The following PANK4 variants were observed in gnomAD, a reference collection of about 807,000 sequenced individuals.
The protein encoded by PANK4 is pantothenate kinase 4 (inactive).
Under a neutral mutation model 87.9 loss-of-function variants are expected in PANK4, and 40 were observed. The ratio of observed to expected loss-of-function variants is 0.46; its 90% confidence interval spans 0.35 to 0.59. The LOEUF (loss-of-function observed/expected upper bound fraction) is 0.59, where lower values mean the gene tolerates loss of function less well. Among genes scored for constraint, PANK4 ranks in the 20% least tolerant of loss-of-function variants. The pLI, the probability that PANK4 is intolerant of heterozygous loss-of-function variation, is 0.00. For synonymous variants in PANK4, 524 were observed against 467.4 expected (o/e 1.12, Z -1.56); for missense variants, 926 against 1,072.3 (o/e 0.86, Z 1.90).
Position 2,508,566 on chromosome 1 carries a change from C to A in PANK4, c.*281G>T, listed in dbSNP as rs1643604314. ...TTTAAAAACTCTATTTGGTGCGTGC[C>A]CACGGTGCTGCGTCCCGTCAGACAT... On this transcript the variant is annotated 3_prime_UTR_variant, in exon 19 of 19. Transcript: ENST00000378466. The surrounding 1 kb of genome is among the most constrained non-coding windows in gnomAD (Gnocchi z 5.1). 2 of 181,270 alleles carry A rather than the reference C, an allele frequency of 1.1e-5. No homozygotes were observed. The highest frequency in any genetic ancestry group is 4.0e-4 in the South Asian group (2 of 5,048). 11.2% of individuals were successfully genotyped at this position (181,270 alleles called of 1,614,324 possible).
At chr1:2,523,735 A>T (rs1377155688) in intron 1 of PANK4, among the ~76,000 whole-genome samples, 1 of 152,354 alleles carries the variant, frequency 6.6e-6, no homozygotes, top group African/African-American at 2.4e-5. Flanking sequence ...GGGCACGCAC[A>T]GCAGGGAGAT....
chr1:2,514,127 G>A (rs1296826207), intron 11 of PANK4, 38 bp from the exon 12 acceptor site: 1 of 1,525,758 alleles, frequency 6.6e-7, no homozygotes, highest in Non-Finnish European at 9.1e-7. Flanking sequence ...GAGCAGGGCA[G>A]GCCGAACACC....
chr1:2,521,197 T>C lies in PANK4; in HGVS notation c.326A>G (p.Lys109Arg). The stretch of plus-strand genomic sequence containing the variant: ...GGTCTCTGTGTTGACGAGATGGTCT[T>C]TGATGAAGTCCAGGCAGGCTTCGAT... ...TYIEACLDFI[K>R]DHLVNTETKV... Residue 109 changes from lysine to arginine, a missense_variant, in exon 3 of 19, where the codon AAA becomes AGA. Physicochemically the swap from Lys to Arg is conservative, Grantham distance 26. Transcript: ENST00000378466. 6.2e-7 allele frequency: 1 copy of C among 1,613,962 alleles called. No individual in the cohort carries two copies. Among genetic ancestry groups the C allele is most frequent in the Non-Finnish European group, 8.5e-7 (1 of 1,179,982 alleles).
Position 2,510,035 on chromosome 1 carries a change from A to C in PANK4, c.2039+22T>G. ...TGCCCCTCCCCATCAAGGCCCCCCC[A>C]GCACTGCCCGCCAACACTCACTGCA... On this transcript the variant is annotated intron_variant, in intron 17 of 18. Transcript: ENST00000378466. This position sits in a 1 kb window ranked among gnomAD's most constrained non-coding sequence, Gnocchi z 4.9. The C allele has an allele frequency of 1.9e-6, 3 of 1,589,616 alleles. No homozygotes were observed. The highest frequency in any genetic ancestry group is 2.6e-6 in the Non-Finnish European group (3 of 1,163,348).
Position 2,508,749 on chromosome 1 carries a change from T to C in PANK4, c.*98A>G. ...GGGTGTATGTGCCGCGTCACAGCAG[T>C]ACCATATAAATACGTTGATTTGAAC... On this transcript the variant is annotated 3_prime_UTR_variant, in exon 19 of 19. Transcript: ENST00000378466. The surrounding 1 kb of genome is among the most constrained non-coding windows in gnomAD (Gnocchi z 5.1). The C allele has an allele frequency of 1.3e-6, 1 of 751,808 alleles. No individual in the cohort carries two copies. Among genetic ancestry groups the C allele is most frequent in the South Asian group, 1.7e-5 (1 of 59,832 alleles). 46.6% of individuals were successfully genotyped at this position (751,808 alleles called of 1,614,324 possible).
intron 1 of PANK4, among the ~76,000 whole-genome samples, chr1:2,525,207 G>A (rs1643909979): frequency 6.6e-6 from 1 of 152,142 alleles, no homozygotes; most frequent in Non-Finnish European, 1.5e-5. Context: ...AGATGCACCA[G>A]GAGCACACAG....
At chr1:2,522,685 T>C (rs1570550718) in intron 1 of PANK4, among the ~76,000 whole-genome samples, 1 of 53,168 alleles carries the variant, frequency 1.9e-5, no homozygotes, top group Admixed American at 2.5e-4. Context: ...TTGAGTGCAT[T>C]GCGCGGTGCT....
At position 2,519,394 on chromosome 1, in the gene PANK4, G is replaced by C. The variant is rs373098316; in HGVS notation, c.854-70C>G. ...TGCACGACATGAGAGCGAGCAGGAG[G>C]GGAGGGGGAGAGAGAGCTGAGTGGG... On this transcript the variant is annotated intron_variant, in intron 6 of 18. Coordinates refer to ENST00000378466, the MANE Select transcript of PANK4 (RefSeq NM_018216.4). The surrounding 1 kb of genome is among the most constrained non-coding windows in gnomAD (Gnocchi z 8.3). 2.4e-6 allele frequency: 2 copies of C among 836,198 alleles called. No homozygotes were observed. Among genetic ancestry groups the C allele is most frequent in the African/African-American group, 3.7e-5 (2 of 53,570 alleles). 51.8% of individuals were successfully genotyped at this position (836,198 alleles called of 1,614,324 possible).
At chr1:2,524,756 A>T (rs973457702) in intron 1 of PANK4, among the ~76,000 whole-genome samples, 5 of 152,212 alleles carry the variant, frequency 3.3e-5, no homozygotes, top group Non-Finnish European at 5.9e-5. Context: ...GCATTTCAGA[A>T]ACATTTAATC....
rs1643710179 is a variant in PANK4 at position 2,513,899 on chromosome 1, A to G, written c.1575+103T>C. On this transcript the variant is annotated intron_variant, in intron 12 of 18. Transcript: ENST00000378466. Reference sequence around the variant, plus strand: ...GCCGCTACCAAACCTGCATGGCCTCAGACAGGACAGGATGCCCCGAGCCAG... The same window carrying G: ...GCCGCTACCAAACCTGCATGGCCTCGGACAGGACAGGATGCCCCGAGCCAG... 3 of 864,656 alleles carry G rather than the reference A, an allele frequency of 3.5e-6. No homozygotes were observed. The South Asian group carries it at 4.0e-5, about 11-fold the overall frequency. The allele number at this position is 864,656 out of a possible 1,614,324, so 53.6% of individuals were successfully genotyped here. A position where few individuals can be genotyped will look rare whatever the true frequency, so the allele number is the denominator to read the frequency against.
rs535092413 is a variant in PANK4, at chr1:2,509,869, C to T, written c.2101G>A (p.Asp701Asn). 7.0e-5 allele frequency: 113 copies of T among 1,611,644 alleles called. No individual in the cohort carries two copies. The highest frequency in any genetic ancestry group is 1.2e-4 in the Admixed American group (7 of 59,976). The change falls in exon 18 of 19, where the codon GAC becomes AAC. Residue 701 changes from aspartate (D) to asparagine (N), a missense_variant. Transcript: ENST00000378466. This position sits in a 1 kb window ranked among gnomAD's most constrained non-coding sequence, Gnocchi z 4.9. ...TGCAGGGTGCGGGGTTACCTGAGGTCGAGGCACGGGGAGCTGGAGCCCGTC... is the reference window on the plus strand; with the variant it reads ...TGCAGGGTGCGGGGTTACCTGAGGTTGAGGCACGGGGAGCTGGAGCCCGTC... ...VQTGSSSPCL[D>N]LSRLDKGLAA... is the part of the protein sequence containing the mutation.
Position 2,510,432 on chromosome 1 carries a change from C to A in PANK4, c.1938+246G>T. 1 of 596,672 alleles carries A rather than the reference C, an allele frequency of 1.7e-6. No individual in the cohort carries two copies. Among genetic ancestry groups the A allele is most frequent in the South Asian group, 2.0e-5 (1 of 49,612 alleles). 37.0% of individuals were successfully genotyped at this position (596,672 alleles called of 1,614,324 possible). ...AGCCCCAAAGCCTCCTTGCTGTGAG[C>A]ACCCTTCCAGGAGCCTGGCGTCAAC... On this transcript the variant is annotated intron_variant, in intron 16 of 18. Transcript: ENST00000378466. The surrounding 1 kb of genome is among the most constrained non-coding windows in gnomAD (Gnocchi z 4.9).
chr1:2,518,405 G>A, intron 8 of PANK4, 111 bp downstream of exon 8: 2 of 1,024,262 alleles, frequency 2.0e-6, no homozygotes, highest in Non-Finnish European at 2.9e-6. Flanking sequence ...CACTTTCTGA[G>A]GACTCACGCT....
At position 2,510,578 on chromosome 1, in the gene PANK4, G is replaced by C; in HGVS notation, c.1938+100C>G. Reference sequence around the variant, plus strand: ...CTGCCTGCACCTACCTGCTGCGTCCGGAGGAGCCCCGACCACCGCCAGAGG... The same window carrying C: ...CTGCCTGCACCTACCTGCTGCGTCCCGAGGAGCCCCGACCACCGCCAGAGG... On this transcript the variant is annotated intron_variant, in intron 16 of 18. Coordinates refer to ENST00000378466, the MANE Select transcript of PANK4 (RefSeq NM_018216.4). This position sits in a 1 kb window ranked among gnomAD's most constrained non-coding sequence, Gnocchi z 4.9. The C allele has an allele frequency of 2.7e-6, 2 of 742,284 alleles. No homozygotes were observed. Among genetic ancestry groups the C allele is most frequent in the Admixed American group, 2.1e-5 (1 of 46,924 alleles). 46.0% of individuals were successfully genotyped at this position (742,284 alleles called of 1,614,324 possible).
intron 1 of PANK4, among the ~76,000 whole-genome samples, chr1:2,524,345 G>A (rs996505553): frequency 2.6e-5 from 4 of 152,152 alleles, no homozygotes; most frequent in African/African-American, 9.7e-5. Flanking sequence ...CTGTTGACAA[G>A]CACTTTGGCT....
chr1:2,508,906 C>T lies in PANK4; in HGVS notation c.2263G>A (p.Glu755Lys), dbSNP rs1368201084. 7.5e-6 allele frequency: 12 copies of T among 1,609,764 alleles called. No individual in the cohort carries two copies. Among genetic ancestry groups the T allele is most frequent in the East Asian group, 4.5e-5 (2 of 44,722 alleles). ...LAVIKNAWLA[E>K]RLGGRLFSVI... ...CTGAAGAGCCGGCCGCCCAGCCGCT[C>T]GGCCAGCCACGCGTTCTTGATGACG... Residue 755 changes from glutamate to lysine, a missense_variant, in exon 19 of 19, where the codon GAG becomes AAG. By Grantham distance (56) the Glu-to-Lys change is moderately conservative. Transcript: ENST00000378466. The surrounding 1 kb of genome is among the most constrained non-coding windows in gnomAD (Gnocchi z 5.1).
intron 1 of PANK4, among the ~76,000 whole-genome samples, chr1:2,525,044 C>A (rs1260467019): frequency 1.3e-5 from 2 of 152,192 alleles, no homozygotes; most frequent in Non-Finnish European, 2.9e-5. Flanking sequence ...AGCATTGCCT[C>A]CCATAAGCTC....
At position 2,515,636 on chromosome 1, in the gene PANK4, C is replaced by A; in HGVS notation, c.1300G>T (p.Asp434Tyr). ...GCGTCATCGGTGAGGTCCACCGTGT[C>A]GGGCACGTAGGAGGGCGGGTCCAGG... ...LLLDPPSYVP[D>Y]TVDLTDDALA... is the part of the protein sequence containing the mutation. Residue 434 changes from aspartate to tyrosine, a missense_variant, in exon 10 of 19, where the codon GAC becomes TAC. Transcript: ENST00000378466. The surrounding 1 kb of genome is among the most constrained non-coding windows in gnomAD (Gnocchi z 5.0). 1 of 1,613,310 alleles carries A rather than the reference C, an allele frequency of 6.2e-7. No individual in the cohort carries two copies. Among genetic ancestry groups the A allele is most frequent in the South Asian group, 1.1e-5 (1 of 91,086 alleles).
Position 2,515,865 on chromosome 1 carries a change from G to C in PANK4, c.1219-148C>G. 2.5e-6 allele frequency: 2 copies of C among 808,002 alleles called. No homozygotes were observed. Among genetic ancestry groups the C allele is most frequent in the Non-Finnish European group, 1.9e-6 (1 of 515,408 alleles). The allele number at this position is 808,002 out of a possible 1,614,324, so 50.1% of individuals were successfully genotyped here. A position where few individuals can be genotyped will look rare whatever the true frequency, so the allele number is the denominator to read the frequency against. On this transcript the variant is annotated intron_variant, in intron 9 of 18. Coordinates refer to ENST00000378466, the MANE Select transcript of PANK4 (RefSeq NM_018216.4). This position sits in a 1 kb window ranked among gnomAD's most constrained non-coding sequence, Gnocchi z 5.0. ...TGGGCCACAGACGAGACCCCCACTG[G>C]GCCCCCTCAGCTGCCCGGCGGCCTG...
Sources: allele counts gnomAD v4.1 joint callset (sites outside exome capture counted in the v4.1 genomes callset), GRCh38; gene constraint gnomAD v4.1.1; non-coding constraint Gnocchi (gnomAD v3.1); transcripts MANE v1.5; gene names NCBI Gene and HGNC (gene_info 2026-07-23, HGNC 2026-07-21).